Variants in SRD5A2 observed in about 807,000 individuals in gnomAD.
SRD5A2 encodes the protein steroid 5 alpha-reductase 2.
A neutral mutation model predicts 27.4 loss-of-function variants in SRD5A2; 30 were observed. The ratio of observed to expected loss-of-function variants is 1.10; its 90% CI spans 0.82 to 1.49. SRD5A2 has a LOEUF of 1.49. SRD5A2 is among the 40% of genes most tolerant of loss of function. The pLI is 0.00. For missense variants in SRD5A2, 348 were observed against 323.4 expected (o/e 1.08, Z -0.58); for synonymous variants, 141 against 133.6 (o/e 1.06, Z -0.38).
At chr2:31,615,346 G>A in the SRD5A2 span, among the ~76,000 whole-genome samples, 1 of 152,186 alleles carries the variant, frequency 6.6e-6, no homozygotes, top group Admixed American at 6.5e-5. Flanking sequence ...TGACCAAAAT[G>A]CTGATAGTGA....
intron 1 of SRD5A2, among the ~76,000 whole-genome samples, chr2:31,536,950 T>C (rs1404244111): frequency 1.3e-5 from 2 of 152,228 alleles, no homozygotes; most frequent in Non-Finnish European, 2.9e-5. Flanking sequence ...TCTGTAAATA[T>C]AAAGTTTTTT....
chr2:31,526,630 TG>T (rs2148061155), intron 4 of SRD5A2, among the ~76,000 whole-genome samples: 1 of 152,226 alleles, frequency 6.6e-6, no homozygotes, highest in East Asian at 1.9e-4. Flanking sequence ...TGGATTCAGC[TG>T]GGAAATACAG....
chr2:31,596,523 A>G, the SRD5A2 span, among the ~76,000 whole-genome samples: 24 of 151,522 alleles, frequency 1.6e-4, no homozygotes, highest in Admixed American at 1.5e-3. Context: ...ATAAAGGGTA[A>G]CCAAACTGGC....
At chr2:31,600,018 G>T in the SRD5A2 span, among the ~76,000 whole-genome samples, 1 of 151,744 alleles carries the variant, frequency 6.6e-6, no homozygotes, top group Non-Finnish European at 1.5e-5. Flanking sequence ...AGTGTCTGTT[G>T]TTCCCCTCTA....
chr2:31,598,619 G>C, the SRD5A2 span, among the ~76,000 whole-genome samples: 1 of 151,518 alleles, frequency 6.6e-6, no homozygotes, highest in Non-Finnish European at 1.5e-5. Context: ...TGGGTTATCT[G>C]GTAGTATTTG....
At chr2:31,636,537 G>A in the SRD5A2 span, among the ~76,000 whole-genome samples, 1 of 152,110 alleles carries the variant, frequency 6.6e-6, no homozygotes, top group Non-Finnish European at 1.5e-5. Flanking sequence ...AGTGAAAGTG[G>A]ACATCCTTGT....
the SRD5A2 span, among the ~76,000 whole-genome samples, chr2:31,650,723 G>A: frequency 1.3e-5 from 2 of 152,154 alleles, no homozygotes; most frequent in African/African-American, 2.4e-5. Context: ...TAAGTATGCA[G>A]CTCCACTCCA....
At position 31,531,394 on chromosome 2, in the gene SRD5A2, T is replaced by C. The variant is rs1198296791; in HGVS notation, c.524A>G (p.Glu175Gly). The C allele has an allele frequency of 1.3e-6, 2 of 1,591,038 alleles. No homozygotes were observed. The highest frequency in any genetic ancestry group is 1.8e-5 in the Admixed American group (1 of 56,720). ...ACCTTGTGGAATCCTGTAGCTGATT[T>C]CTCCAGGCTTCCTGAGCTGGCGCAA... The part of the protein sequence containing the change: ...YILRQLRKPG[E>G]ISYRIPQGGL... Residue 175 changes from glutamate (E) to glycine (G), a missense_variant, in exon 3 of 5, where the codon GAA becomes GGA. Glu to Gly is a moderately conservative substitution (Grantham distance 98, BLOSUM62 -2). Coordinates refer to ENST00000622030, the MANE Select transcript of SRD5A2 (RefSeq NM_000348.4).
At chr2:31,610,128 T>G in the SRD5A2 span, among the ~76,000 whole-genome samples, 10 of 152,092 alleles carry the variant, frequency 6.6e-5, no homozygotes, top group African/African-American at 2.4e-4. Flanking sequence ...CTCAAATGCT[T>G]CCCAAAAATT....
chr2:31,602,291 A>G, the SRD5A2 span, among the ~76,000 whole-genome samples: 5 of 152,118 alleles, frequency 3.3e-5, no homozygotes, highest in African/African-American at 1.2e-4. Flanking sequence ...GAGTCAAATC[A>G]TGACTGAACT....
chr2:31,560,030 C>T (rs1011372387), intron 1 of SRD5A2, among the ~76,000 whole-genome samples: 8 of 148,352 alleles, frequency 5.4e-5, no homozygotes, highest in African/African-American at 2.0e-4. Context: ...ATTGTACGTT[C>T]CCACAATATC....
chr2:31,657,700 C>T, the SRD5A2 span, among the ~76,000 whole-genome samples: 8 of 152,148 alleles, frequency 5.3e-5, no homozygotes, highest in Admixed American at 2.0e-4. Flanking sequence ...TCTTACTTTA[C>T]CATTACAAAT....
At chr2:31,649,519 C>A in the SRD5A2 span, among the ~76,000 whole-genome samples, 3 of 152,026 alleles carry the variant, frequency 2.0e-5, no homozygotes, top group African/African-American at 7.2e-5. Flanking sequence ...ACCTATGTAT[C>A]AATACTTCAT....
chr2:31,646,714 C>T, the SRD5A2 span, among the ~76,000 whole-genome samples: 2 of 152,130 alleles, frequency 1.3e-5, no homozygotes, highest in South Asian at 2.1e-4. Context: ...AAAAAGTACA[C>T]AGTCTGAAAA....
the SRD5A2 span, among the ~76,000 whole-genome samples, chr2:31,646,197 A>G: frequency 6.6e-6 from 1 of 152,222 alleles, no homozygotes; most frequent in Non-Finnish European, 1.5e-5. Context: ...ACACACAGTT[A>G]GAAGTCAGGT....
chr2:31,577,588 C>A (rs185167659), intron 1 of SRD5A2, among the ~76,000 whole-genome samples: 3 of 152,310 alleles, frequency 2.0e-5, no homozygotes, highest in Admixed American at 6.5e-5. Flanking sequence ...TTTGATGGGA[C>A]ATATTGCTGC....
chr2:31,530,012 G>T (rs559321881), intron 3 of SRD5A2, among the ~76,000 whole-genome samples: 46 of 152,218 alleles, frequency 3.0e-4, no homozygotes, highest in Non-Finnish European at 6.0e-4. Context: ...GGAGCTGCAG[G>T]TATTTGTCCT....
At chr2:31,660,527 G>A in the SRD5A2 span, among the ~76,000 whole-genome samples, 15 of 151,860 alleles carry the variant, frequency 9.9e-5, no homozygotes, top group Non-Finnish European at 1.5e-4. Context: ...TATGGACTTC[G>A]GGTGATTATG....
chr2:31,619,388 C>T, the SRD5A2 span, among the ~76,000 whole-genome samples: 1 of 152,192 alleles, frequency 6.6e-6, no homozygotes, highest in Admixed American at 6.6e-5. Flanking sequence ...GTGAATAGTG[C>T]TGTAATGAAC....
Sources: allele counts gnomAD v4.1 joint callset (sites outside exome capture counted in the v4.1 genomes callset), GRCh38; gene constraint gnomAD v4.1.1; transcripts MANE v1.5; gene names NCBI Gene and HGNC (gene_info 2026-07-23, HGNC 2026-07-21).